The following NAV1 variants were observed in gnomAD, a reference collection of about 807,000 sequenced individuals.
NAV1 encodes pore membrane and/or filament interacting like protein 3.
In NAV1, 18 loss-of-function variants were observed where a neutral mutation model predicts 175.2. The observed-to-expected ratio is 0.10, with a 90% CI of 0.07 to 0.15. NAV1 has a LOEUF of 0.15. Among genes scored for constraint, NAV1 ranks in the 10% least tolerant of loss-of-function variants. The pLI is 1.00. For missense variants in NAV1, 1,731 were observed against 2,436.6 expected, an observed-to-expected ratio of 0.71 and a Z score of 6.10; for synonymous variants, 897 against 978.7, an observed-to-expected ratio of 0.92 and a Z score of 1.56.
chr1:201,731,589 C>G (rs747216320), intron 3 of NAV1, among the ~76,000 whole-genome samples: 7 of 152,194 alleles, frequency 4.6e-5, no homozygotes, highest in Non-Finnish European at 1.0e-4. Context: ...GAACAAAGCT[C>G]TGACCTAGTC....
chr1:201,663,287 T>C (rs1314872634), intron 1 of NAV1, among the ~76,000 whole-genome samples: 2 of 152,164 alleles, frequency 1.3e-5, no homozygotes, highest in Non-Finnish European at 2.9e-5. Flanking sequence ...GAAGAAATAA[T>C]ATGGAAAAAG....
At chr1:201,628,819 T>C (rs1022463) in intron 1 of NAV1, among the ~76,000 whole-genome samples, 27,106 of 152,120 alleles carry the variant, frequency 0.18, 2,926 homozygotes, top group East Asian at 0.42. Context: ...TCACCCTTCC[T>C]TCCTGCTACC....
At chr1:201,780,366 T>C in intron 3 of NAV1, 55 bp from the exon 8 acceptor site, 1 of 1,605,766 alleles carries the variant, frequency 6.2e-7, no homozygotes, top group South Asian at 1.1e-5. Flanking sequence ...GAAACATTTA[T>C]TTTTTGCCTG....
intron 2 of NAV1, among the ~76,000 whole-genome samples, chr1:201,714,036 G>A (rs1004014214): frequency 7.9e-5 from 12 of 152,224 alleles, no homozygotes; most frequent in African/African-American, 1.4e-4. Flanking sequence ...TCAGCCTCCC[G>A]AGTAGCTGGG....
At chr1:201,544,232 G>A (rs971463219) in intron 1 of NAV1, among the ~76,000 whole-genome samples, 1 of 152,178 alleles carries the variant, frequency 6.6e-6, no homozygotes, top group African/African-American at 2.4e-5. Context: ...AGCTCCCTAG[G>A]TGATTTTGAT....
chr1:201,568,628 G>A (rs1357589865), intron 1 of NAV1, among the ~76,000 whole-genome samples: 4 of 152,140 alleles, frequency 2.6e-5, no homozygotes, highest in Admixed American at 2.6e-4. Flanking sequence ...TTGGGCCTCA[G>A]TTTCCTCATC....
chr1:201,744,275 A>C (rs1673620391), intron 3 of NAV1, among the ~76,000 whole-genome samples: 1 of 152,222 alleles, frequency 6.6e-6, no homozygotes, highest in Admixed American at 6.5e-5. Flanking sequence ...CTGGAGAAAC[A>C]GACAAAACCC....
chr1:201,586,661 G>C (rs542237295), intron 1 of NAV1, among the ~76,000 whole-genome samples: 27 of 152,204 alleles, frequency 1.8e-4, no homozygotes, highest in Admixed American at 2.6e-4. Context: ...AGGGAAGACA[G>C]AGAGCAGGGA....
chr1:201,629,596 A>G lies in NAV1; in HGVS notation c.4+89A>G, dbSNP rs1008771999. The G allele has an allele frequency of 4.9e-6, 4 of 814,636 alleles. No individual in the cohort carries two copies. The African/African-American group carries it at 5.5e-5, about 11-fold the overall frequency. The allele number at this position is 814,636 out of a possible 1,614,324, so 50.5% of individuals were successfully genotyped here. On this transcript the variant is annotated intron_variant, in intron 2 of 29. Coordinates refer to the NAV1 transcript ENST00000367302. ...TGGAAGAAGAAGTGACCTAGGCTGG[A>G]TGGGTCCATCTCTTGACAAGGAGAC...
At position 201,807,045 on chromosome 1, in the gene NAV1, T is replaced by G. The variant is rs186394241; in HGVS notation, c.3649-908T>G. Among the ~76,000 whole-genome samples the G allele has an allele frequency of 6.7e-6, 1 of 150,176 alleles. No homozygotes were observed. Among genetic ancestry groups the G allele is most frequent in the Admixed American group, 6.6e-5 (1 of 15,220 alleles). ...TCATATCTGTGTCCCTGTGTGTGTGTGTGTATGTGTGTGTGTGGTGTGTGG... is the reference window on the plus strand; with the variant it reads ...TCATATCTGTGTCCCTGTGTGTGTGGGTGTATGTGTGTGTGTGGTGTGTGG... On this transcript the variant is annotated intron_variant, in intron 17 of 29. Coordinates refer to ENST00000367296, the Ensembl canonical transcript of NAV1. This position sits in a 1 kb window ranked among gnomAD's most constrained non-coding sequence, Gnocchi z 5.4.
chr1:201,784,155 C>G (rs994093323), intron 7 of NAV1, among the ~76,000 whole-genome samples: 1 of 152,090 alleles, frequency 6.6e-6, no homozygotes, highest in Non-Finnish European at 1.5e-5. Flanking sequence ...AGTCCAAAAT[C>G]ATTTTGTTTT....
intron 1 of NAV1, among the ~76,000 whole-genome samples, chr1:201,581,600 G>GAGCGGATCACCTGAGGTC (rs1258726072): frequency 6.6e-6 from 1 of 152,072 alleles, no homozygotes; most frequent in African/African-American, 2.4e-5. Flanking sequence ...AGGCTGAGGT[G>GAGCGGATCACCTGAGGTC]AGCGGATCAC....
exon 30 of NAV1, chr1:201,820,861 G>A (rs1224076742): frequency 1.4e-5 from 2 of 146,978 alleles, no homozygotes; most frequent in Non-Finnish European, 3.0e-5. Context: ...ACATGTCCAC[G>A]AGATGCTTGG....
At chr1:201,631,900 C>T (rs111628260) in intron 2 of NAV1, among the ~76,000 whole-genome samples, 163 of 152,266 alleles carry the variant, frequency 1.1e-3, no homozygotes, top group African/African-American at 3.8e-3. Context: ...TGCCCCCCAT[C>T]ACCTAGCACA....
chr1:201,735,617 C>T (rs868064131), intron 3 of NAV1, among the ~76,000 whole-genome samples: 3 of 152,236 alleles, frequency 2.0e-5, no homozygotes, highest in Non-Finnish European at 4.4e-5. Flanking sequence ...CCAAACAAGG[C>T]CACTCTATTA....
intron 1 of NAV1, among the ~76,000 whole-genome samples, chr1:201,570,488 C>A (rs945258000): frequency 6.6e-6 from 1 of 152,236 alleles, no homozygotes; most frequent in African/African-American, 2.4e-5. Flanking sequence ...CTGGGAGTAC[C>A]TGTCCTTATG....
intron 1 of NAV1, among the ~76,000 whole-genome samples, chr1:201,573,299 T>C (rs956368823): frequency 6.6e-6 from 1 of 150,802 alleles, no homozygotes; most frequent in Non-Finnish European, 1.5e-5. Context: ...AGATAATGTT[T>C]CATCTCCTGA....
At chr1:201,741,954 A>T (rs574891661) in intron 3 of NAV1, among the ~76,000 whole-genome samples, 65 of 152,272 alleles carry the variant, frequency 4.3e-4, no homozygotes, top group Non-Finnish European at 7.6e-4. Context: ...GCCATAGCCC[A>T]GGTTGAGGAG....
chr1:201,726,444 G>T (rs1044474674), intron 3 of NAV1, among the ~76,000 whole-genome samples: 5 of 152,004 alleles, frequency 3.3e-5, no homozygotes, highest in Non-Finnish European at 7.4e-5. Flanking sequence ...AGGAGTTCAA[G>T]ACCAGCCTGA....
Sources: allele counts gnomAD v4.1 joint callset (sites outside exome capture counted in the v4.1 genomes callset), GRCh38; gene constraint gnomAD v4.1.1; non-coding constraint Gnocchi (gnomAD v3.1); transcripts MANE v1.5; gene names NCBI Gene and HGNC (gene_info 2026-07-23, HGNC 2026-07-21).